Variants in NCOA2 observed in about 807,000 individuals in gnomAD.
NCOA2 encodes nuclear receptor coactivator 2.
In NCOA2, 21 loss-of-function variants were observed where a neutral mutation model predicts 145.1. The ratio of observed to expected loss-of-function variants is 0.14; its 90% CI spans 0.10 to 0.21. The LOEUF is 0.21. Ranked by LOEUF, NCOA2 falls within the 10% of genes least tolerant of loss-of-function variation. The probability of loss-of-function intolerance (pLI) is 1.00; values close to 1 mark genes in which losing one functional copy is unlikely to be tolerated. For missense variants in NCOA2, 1,472 were observed against 1,837.6 expected (o/e 0.80, Z 3.64); for synonymous variants, 619 against 637.5 (o/e 0.97, Z 0.44).
intron 1 of NCOA2, among the ~76,000 whole-genome samples, chr8:70,302,048 C>T (rs7015784): frequency 0.24 from 36,486 of 151,846 alleles, 5,469 homozygotes; most frequent in East Asian, 0.57. Context: ...CTCTCAAACA[C>T]AAAAAACACC....
chr8:70,147,894 A>G (rs1196583278), intron 12 of NCOA2, among the ~76,000 whole-genome samples: 1 of 152,222 alleles, frequency 6.6e-6, no homozygotes, highest in Non-Finnish European at 1.5e-5. Context: ...TATCCCTAAA[A>G]AGTCAGCATA....
intron 2 of NCOA2, among the ~76,000 whole-genome samples, chr8:70,282,526 A>G (rs1219125311): frequency 6.6e-6 from 1 of 152,070 alleles, no homozygotes; most frequent in Admixed American, 6.6e-5. Context: ...TCTCTACCAA[A>G]AATACAAAAA....
At chr8:70,114,448 CAAT>C (rs1806861110) in intron 22 of NCOA2, among the ~76,000 whole-genome samples, 1 of 152,172 alleles carries the variant, frequency 6.6e-6, no homozygotes, top group African/African-American at 2.4e-5. Context: ...ATATATCTGT[CAAT>C]GATTTTCTTT....
intron 13 of NCOA2, among the ~76,000 whole-genome samples, chr8:70,144,109 C>T (rs1810759491): frequency 6.6e-6 from 1 of 152,184 alleles, no homozygotes; most frequent in Admixed American, 6.5e-5. Flanking sequence ...TGATCACAGG[C>T]AACTTCCTAC....
chr8:70,345,113 A>G (rs1586556200), intron 1 of NCOA2, among the ~76,000 whole-genome samples: 1 of 152,234 alleles, frequency 6.6e-6, no homozygotes, highest in East Asian at 1.9e-4. Flanking sequence ...ATTATCCTTC[A>G]TACAACTCCA....
chr8:70,386,071 T>A (rs915259593), intron 1 of NCOA2, among the ~76,000 whole-genome samples: 4 of 152,202 alleles, frequency 2.6e-5, no homozygotes, highest in South Asian at 2.1e-4. Flanking sequence ...CTTCTCAGGT[T>A]ACCAGGATTC....
intron 1 of NCOA2, among the ~76,000 whole-genome samples, chr8:70,352,532 AT>A (rs1183892642): frequency 1.3e-5 from 2 of 152,132 alleles, no homozygotes; most frequent in East Asian, 1.9e-4. Context: ...TACTTGTGCA[AT>A]TTTTTCCTAT....
chr8:70,448,203 G>A, the NCOA2 span, among the ~76,000 whole-genome samples: 3 of 152,076 alleles, frequency 2.0e-5, no homozygotes, highest in Non-Finnish European at 2.9e-5. Context: ...AGAGGACTGA[G>A]GAAATCATTT....
intron 1 of NCOA2, among the ~76,000 whole-genome samples, chr8:70,344,358 C>T (rs891616400): frequency 1.3e-5 from 2 of 152,154 alleles, no homozygotes; most frequent in Non-Finnish European, 2.9e-5. Flanking sequence ...GTGTGCGGGG[C>T]GGCAGCCCAC....
At chr8:70,371,186 G>A (rs907667497) in intron 1 of NCOA2, among the ~76,000 whole-genome samples, 4 of 152,108 alleles carry the variant, frequency 2.6e-5, no homozygotes, top group African/African-American at 9.7e-5. Flanking sequence ...CTACTCGGGA[G>A]GCTGAGGCAG....
intron 9 of NCOA2, 35 bp downstream of exon 9, chr8:70,162,658 GAAAGCTCCCACAGGAAGC>G: frequency 6.5e-7 from 1 of 1,543,002 alleles, no homozygotes. Flanking sequence ...ATCATTGACA[GAAAGCTCCCACAGGAAGC>G]AATAATTTAA....
Position 70,165,980 on chromosome 8 carries a change from C to T in NCOA2, c.730+586G>A, listed in dbSNP as rs866261159. ...GACTACAGGCACATGCCAGCCACCA[C>T]GCCCGGCTACTTTTTGTACTTTTAG... is the stretch of plus-strand genomic sequence containing the variant. On this transcript the variant is annotated intron_variant, in intron 7 of 22. Coordinates refer to ENST00000452400, the MANE Select transcript of NCOA2 (RefSeq NM_006540.4). Among the ~76,000 whole-genome samples the T allele has an allele frequency of 5.9e-5, 9 of 152,226 alleles. No individual in the cohort carries two copies. The South Asian group carries it at 8.3e-4, about 14-fold the overall frequency.
chr8:70,142,885 C>A (rs889642078), intron 13 of NCOA2, among the ~76,000 whole-genome samples: 1 of 151,488 alleles, frequency 6.6e-6, no homozygotes, highest in African/African-American at 2.4e-5. Context: ...AGAGAATGAT[C>A]CATAATTCAA....
At chr8:70,421,972 G>A in the NCOA2 span, among the ~76,000 whole-genome samples, 5 of 151,912 alleles carry the variant, frequency 3.3e-5, no homozygotes, top group Non-Finnish European at 7.4e-5. Context: ...GAGTGTGCCT[G>A]TAATCCCAGC....
the NCOA2 span, among the ~76,000 whole-genome samples, chr8:70,411,293 G>GA: frequency 6.6e-6 from 1 of 152,054 alleles, no homozygotes; most frequent in African/African-American, 2.4e-5. Context: ...GATAAAAGGG[G>GA]AAAAAATGGC....
chr8:70,381,820 C>T (rs1338628013), intron 1 of NCOA2, among the ~76,000 whole-genome samples: 1 of 152,154 alleles, frequency 6.6e-6, no homozygotes, highest in African/African-American at 2.4e-5. Context: ...GTGGCTTACC[C>T]ATGTGCTCAC....
chr8:70,349,159 C>T (rs1292223185), intron 1 of NCOA2, among the ~76,000 whole-genome samples: 1 of 151,778 alleles, frequency 6.6e-6, no homozygotes, highest in Non-Finnish European at 1.5e-5. Flanking sequence ...GGTAAAATGA[C>T]GAGTAACAGT....
chr8:70,118,052 GC>G (rs1342834867), intron 22 of NCOA2, among the ~76,000 whole-genome samples: 1 of 152,142 alleles, frequency 6.6e-6, no homozygotes, highest in Non-Finnish European at 1.5e-5. Flanking sequence ...ATATTTGAGG[GC>G]CTTACCCTAC....
intron 1 of NCOA2, among the ~76,000 whole-genome samples, chr8:70,365,399 A>G (rs1810603748): frequency 6.6e-6 from 1 of 152,202 alleles, no homozygotes; most frequent in Non-Finnish European, 1.5e-5. Context: ...ACCATAAATA[A>G]TATGCCCAGA....
Sources: allele counts gnomAD v4.1 joint callset (sites outside exome capture counted in the v4.1 genomes callset), GRCh38; gene constraint gnomAD v4.1.1; transcripts MANE v1.5; gene names NCBI Gene and HGNC (gene_info 2026-07-23, HGNC 2026-07-21).